The following ADAMTS17 variants were observed in gnomAD, a reference collection of about 807,000 sequenced individuals.
ADAMTS17 encodes the protein ADAM metallopeptidase with thrombospondin type 1 motif 17.
Under a neutral mutation model 141.5 loss-of-function variants are expected in ADAMTS17, and 113 were observed. The observed-to-expected ratio is 0.80, with a 90% CI of 0.69 to 0.93. The LOEUF (loss-of-function observed/expected upper bound fraction) is 0.93, where lower values mean the gene tolerates loss of function less well. ADAMTS17 is among the 40% of genes least tolerant of loss of function. The pLI, the probability that ADAMTS17 is intolerant of heterozygous loss-of-function variation, is 0.00. For synonymous variants in ADAMTS17, 768 were observed against 630.6 expected (o/e 1.22, Z -3.27); for missense variants, 1,659 against 1,517.9 (o/e 1.09, Z -1.54).
In ADAMTS17 at chr15:100,341,739, G is replaced by A; in HGVS notation, c.79+82C>T. ...CGTCAGCGGTCCCGCCGCCGCCCCC[G>A]GGCCGCCAGGACGCCGCGAGAACGC... On this transcript the variant is annotated intron_variant, in intron 1 of 21. Transcript: ENST00000268070. 2.7e-6 allele frequency: 4 copies of A among 1,481,476 alleles called. No homozygotes were observed. The African/African-American group carries it at 4.4e-5, about 16-fold the overall frequency. The allele number at this position is 1,481,476 out of a possible 1,614,324, so 91.8% of individuals were successfully genotyped here. A position where few individuals can be genotyped will look rare whatever the true frequency, so the allele number is the denominator to read the frequency against.
Position 100,048,879 on chromosome 15 carries a change from T to G in ADAMTS17, c.2569A>C (p.Asn857His), listed in dbSNP as rs760384629. The stretch of plus-strand genomic sequence containing the variant: ...TACCGTGACTGGCAGGGGTGCAAGT[T>G]GCACCTTCGGACCTGGGGCTCTGGG... Reference protein sequence around the residue: ...SRPEPQVRRCNLHPCQSRWVA... With the variant: ...SRPEPQVRRCHLHPCQSRWVA... The change falls in exon 18 of 22, where the codon AAC (asparagine) becomes CAC (histidine). Residue 857 changes from asparagine (N) to histidine (H), a missense_variant. Coordinates refer to ENST00000268070, the MANE Select transcript of ADAMTS17 (RefSeq NM_139057.4). The G allele has an allele frequency of 6.2e-7, 1 of 1,614,184 alleles. No individual in the cohort carries two copies. Among genetic ancestry groups the G allele is most frequent in the East Asian group, 2.2e-5 (1 of 44,878 alleles).
intron 10 of ADAMTS17, among the ~76,000 whole-genome samples, chr15:100,134,491 ACCT>A (rs2038224005): frequency 2.6e-5 from 4 of 152,172 alleles, no homozygotes; most frequent in African/African-American, 9.7e-5. Flanking sequence ...GTGGCCAGGG[ACCT>A]GCTGCTTCAC....
chr15:100,316,875 C>T (rs770621085), intron 3 of ADAMTS17, among the ~76,000 whole-genome samples: 1 of 152,226 alleles, frequency 6.6e-6, no homozygotes, highest in African/African-American at 2.4e-5. Flanking sequence ...TAGGGGCAGG[C>T]CCTGCCCAAG....
intron 18 of ADAMTS17, among the ~76,000 whole-genome samples, chr15:100,022,789 A>C (rs2061429409): frequency 6.6e-6 from 1 of 152,152 alleles, no homozygotes; most frequent in Non-Finnish European, 1.5e-5. Context: ...GAAAATAATA[A>C]TTTGTTAATA....
chr15:100,143,798 G>T (rs1413761688), intron 10 of ADAMTS17, among the ~76,000 whole-genome samples: 2 of 152,226 alleles, frequency 1.3e-5, no homozygotes, highest in Non-Finnish European at 2.9e-5. Context: ...AATATTTGAA[G>T]CCTAGACTGC....
chr15:100,310,275 C>T (rs979963425), intron 3 of ADAMTS17, among the ~76,000 whole-genome samples: 1 of 152,308 alleles, frequency 6.6e-6, no homozygotes, highest in South Asian at 2.1e-4. Context: ...CCGCTGTCGA[C>T]CATCAGCCCC....
At chr15:100,234,338 C>T (rs948949416) in intron 7 of ADAMTS17, among the ~76,000 whole-genome samples, 1 of 152,190 alleles carries the variant, frequency 6.6e-6, no homozygotes, top group African/African-American at 2.4e-5. Context: ...GTTCGTTCCA[C>T]ATTTGATCCC....
chr15:100,282,974 G>C (rs181349293), intron 3 of ADAMTS17, among the ~76,000 whole-genome samples: 2 of 152,256 alleles, frequency 1.3e-5, no homozygotes, highest in African/African-American at 4.8e-5. Flanking sequence ...ACCAAAATAT[G>C]AATAGTGGTA....
chr15:100,148,436 A>AT (rs564700670), intron 10 of ADAMTS17, among the ~76,000 whole-genome samples: 276 of 151,384 alleles, frequency 1.8e-3, no homozygotes, highest in African/African-American at 6.0e-3. Flanking sequence ...TTGGTGATAC[A>AT]TTTTTTTCAG....
intron 7 of ADAMTS17, among the ~76,000 whole-genome samples, chr15:100,247,521 T>C (rs118003516): frequency 0.02 from 3,036 of 151,988 alleles, 75 homozygotes; most frequent in Middle Eastern, 0.072. Flanking sequence ...CACCAACCAG[T>C]GAGGACGCCA....
intron 3 of ADAMTS17, among the ~76,000 whole-genome samples, chr15:100,304,454 C>T (rs2045153030): frequency 6.6e-6 from 1 of 152,138 alleles, no homozygotes; most frequent in African/African-American, 2.4e-5. Flanking sequence ...CACAGTAAGC[C>T]TTTTATCCTG....
At chr15:100,056,204 A>G (rs1256180056) in intron 15 of ADAMTS17, among the ~76,000 whole-genome samples, 3 of 152,360 alleles carry the variant, frequency 2.0e-5, no homozygotes, top group Non-Finnish European at 2.9e-5. Flanking sequence ...AGGCAAATAT[A>G]GGCAAAGGGT....
chr15:100,038,398 GAAGA>G (rs1302660429), intron 18 of ADAMTS17, among the ~76,000 whole-genome samples: 2 of 152,174 alleles, frequency 1.3e-5, no homozygotes, highest in African/African-American at 4.8e-5. Flanking sequence ...CCCATTTGTG[GAAGA>G]AAGATGGCTT....
intron 9 of ADAMTS17, 100 bp downstream of exon 9, chr15:100,155,080 G>C (rs2039368316): frequency 6.4e-7 from 1 of 1,571,784 alleles, no homozygotes; most frequent in Admixed American, 1.7e-5. Context: ...TCCCAAAAGA[G>C]AGTCATTTCT....
At chr15:100,287,751 C>CA (rs1394490430) in intron 3 of ADAMTS17, among the ~76,000 whole-genome samples, 5 of 152,192 alleles carry the variant, frequency 3.3e-5, no homozygotes, top group Admixed American at 1.3e-4. Context: ...ACTTGATATC[C>CA]AGCCAAATTA....
intron 15 of ADAMTS17, among the ~76,000 whole-genome samples, chr15:100,071,224 A>G (rs1369254756): frequency 6.6e-6 from 1 of 150,410 alleles, no homozygotes; most frequent in Non-Finnish European, 1.5e-5. Context: ...GACCAATAAC[A>G]GGCTCAGAAA....
Position 99,993,187 on chromosome 15 carries a change from C to A in ADAMTS17, c.2810G>T (p.Cys937Phe). The part of the protein sequence containing the change: ...ASEWSQCSAS[C>F]GKGVWKRTVA... ...GGTCCGTTTCCACACCCCTTTACCA[C>A]AGCTGGCAGAGCACTGCAAGACACC... The change falls in exon 20 of 22, where the codon TGT becomes TTT. Residue 937 changes from cysteine (C) to phenylalanine (F), a missense_variant. Physicochemically the swap from Cys to Phe is radical, Grantham distance 205. Coordinates refer to ENST00000268070, the MANE Select transcript of ADAMTS17 (RefSeq NM_139057.4). This position sits in a 1 kb window ranked among gnomAD's most constrained non-coding sequence, Gnocchi z 4.3. The A allele has an allele frequency of 6.2e-7, 1 of 1,614,204 alleles. No individual in the cohort carries two copies.
intron 20 of ADAMTS17, among the ~76,000 whole-genome samples, chr15:99,982,486 G>C (rs2060500669): frequency 6.6e-6 from 1 of 152,206 alleles, no homozygotes; most frequent in South Asian, 2.1e-4. Flanking sequence ...CTCGTAACCT[G>C]AGCTGGGCCA....
intron 14 of ADAMTS17, among the ~76,000 whole-genome samples, chr15:100,104,627 C>T (rs766509169): frequency 2.6e-5 from 4 of 152,254 alleles, no homozygotes; most frequent in Non-Finnish European, 1.5e-5. Flanking sequence ...GAGAGGAAAA[C>T]GCTAGTAGGC....
Sources: allele counts gnomAD v4.1 joint callset (sites outside exome capture counted in the v4.1 genomes callset), GRCh38; gene constraint gnomAD v4.1.1; non-coding constraint Gnocchi (gnomAD v3.1); transcripts MANE v1.5; gene names NCBI Gene and HGNC (gene_info 2026-07-23, HGNC 2026-07-21).